The following AAK1 variants were observed in gnomAD, a reference collection of about 807,000 sequenced individuals.
AAK1 encodes the protein AP2 associated kinase 1, also known as AP2-associated protein kinase 1.
A neutral mutation model predicts 116.0 loss-of-function variants in AAK1; 37 were observed. The observed-to-expected ratio is 0.32, with a 90% confidence interval of 0.25 to 0.42. The LOEUF (loss-of-function observed/expected upper bound fraction) is 0.42, where lower values mean the gene tolerates loss of function less well. AAK1 is among the 10% of genes least tolerant of loss of function. The pLI is 1.00. For missense variants in AAK1, 919 were observed against 1,170.6 expected (o/e 0.79, Z 3.14); for synonymous variants, 458 against 439.9 (o/e 1.04, Z -0.51).
chr2:69,496,324 G>A (rs1335852631), intron 16 of AAK1, among the ~76,000 whole-genome samples: 3 of 147,450 alleles, frequency 2.0e-5, no homozygotes, highest in African/African-American at 7.8e-5. Context: ...CCAGGCTGGA[G>A]TGCAATGGCA....
chr2:69,488,508 T>G (rs1236052494), intron 17 of AAK1, among the ~76,000 whole-genome samples: 2 of 152,160 alleles, frequency 1.3e-5, no homozygotes, highest in Non-Finnish European at 2.9e-5. Context: ...GTAAACAGAT[T>G]AAGAACTACT....
At chr2:69,610,639 T>C (rs1674035731) in intron 2 of AAK1, among the ~76,000 whole-genome samples, 1 of 152,180 alleles carries the variant, frequency 6.6e-6, no homozygotes, top group African/African-American at 2.4e-5. Flanking sequence ...CAGAAAATAT[T>C]AAAAATTCCT....
rs546498511 is a variant in AAK1, at chr2:69,572,230, T to G, written c.164-15252A>C. ...AGACTCAGAATTACTGATTTTTTCT[T>G]GGTCTTGGGCTGCAGGGTGGCTGAG... On this transcript the variant is annotated intron_variant, in intron 2 of 21. Transcript: ENST00000409085. Among the ~76,000 whole-genome samples, 13 of 152,368 alleles carry G rather than the reference T, an allele frequency of 8.5e-5. No homozygotes were observed. In the East Asian group the frequency reaches 2.5e-3, roughly 29 times the overall value.
intron 2 of AAK1, among the ~76,000 whole-genome samples, chr2:69,613,603 A>C (rs58829888): frequency 0.046 from 6,970 of 152,284 alleles, 406 homozygotes; most frequent in East Asian, 0.16. Flanking sequence ...CCAGTGATTT[A>C]ATCAATCATA....
intron 8 of AAK1, among the ~76,000 whole-genome samples, chr2:69,528,309 A>C (rs1284713389): frequency 6.6e-6 from 1 of 152,202 alleles, no homozygotes; most frequent in African/African-American, 2.4e-5. Flanking sequence ...GCAAGCCGCT[A>C]GAGTTTCCTA....
At chr2:69,605,728 G>A (rs1244884912) in intron 2 of AAK1, among the ~76,000 whole-genome samples, 2 of 150,532 alleles carry the variant, frequency 1.3e-5, no homozygotes, top group Non-Finnish European at 3.0e-5. Context: ...CACAACCACA[G>A]TCAGGATACA....
chr2:69,629,336 T>C (rs1247912868), intron 2 of AAK1, among the ~76,000 whole-genome samples: 3 of 152,362 alleles, frequency 2.0e-5, no homozygotes, highest in Middle Eastern at 3.4e-3. Context: ...TCTGAGTTTT[T>C]GACACATGAG....
intron 2 of AAK1, among the ~76,000 whole-genome samples, chr2:69,618,572 A>G (rs888567574): frequency 6.6e-6 from 1 of 151,982 alleles, no homozygotes; most frequent in Non-Finnish European, 1.5e-5. Context: ...CCTCATGTAA[A>G]AATTCCTGCT....
Position 69,474,518 on chromosome 2 carries a change from TA to T in AAK1, c.*1350del. The T allele has an allele frequency of 1.0e-6, 1 of 984,856 alleles. No homozygotes were observed. The highest frequency in any genetic ancestry group is 1.1e-4 in the East Asian group (1 of 8,816). 61.0% of individuals were successfully genotyped at this position (984,856 alleles called of 1,614,324 possible). ...TTTATGAACAATATCCTAAAGTTAA[TA>T]AAGAACTATGCTTTATTATTTTTTT... On this transcript the variant is annotated 3_prime_UTR_variant, in exon 22 of 22. Transcript: ENST00000409085.
At chr2:69,479,446 T>C (rs1674999579) in intron 19 of AAK1, among the ~76,000 whole-genome samples, 1 of 152,178 alleles carries the variant, frequency 6.6e-6, no homozygotes, top group South Asian at 2.1e-4. Flanking sequence ...GGTCTGTGAT[T>C]TGGATGCTGA....
intron 12 of AAK1, chr2:69,516,991 T>C (rs1258306427): frequency 6.6e-6 from 1 of 152,184 alleles, no homozygotes; most frequent in African/African-American, 2.4e-5. Context: ...AGTGGGATCC[T>C]GCTTGTGAAT....
intron 11 of AAK1, among the ~76,000 whole-genome samples, chr2:69,520,571 C>T (rs558082121): frequency 2.0e-5 from 3 of 152,086 alleles, no homozygotes; most frequent in Non-Finnish European, 2.9e-5. Context: ...ATCATGTTGG[C>T]CAGGCTGGTC....
chr2:69,533,127 C>A (rs1484638305), intron 5 of AAK1, among the ~76,000 whole-genome samples: 1 of 152,066 alleles, frequency 6.6e-6, no homozygotes, highest in Non-Finnish European at 1.5e-5. Context: ...TTCAGCCTTC[C>A]AAAGACTGAT....
chr2:69,490,961 G>A (rs1052107858), intron 17 of AAK1, among the ~76,000 whole-genome samples: 1 of 146,822 alleles, frequency 6.8e-6, no homozygotes, highest in Non-Finnish European at 1.5e-5. Flanking sequence ...TAAGAGACAG[G>A]GTCTCACTCT....
rs182845934 is a variant in AAK1 at position 69,643,049 on chromosome 2, T to C, written c.-9A>G. On this transcript the variant is annotated 5_prime_UTR_variant, in exon 2 of 22. Transcript: ENST00000409085. ...TCGAAAAACTTCTTCATCTTGCGAA[T>C]AGGGAGCAGCAAAGCAAAATACCGA... is the stretch of plus-strand genomic sequence containing the variant. 3.9e-4 allele frequency: 625 copies of C among 1,587,482 alleles called. 3 individuals are homozygous for C. The African/African-American group carries it at 7.2e-3, about 18-fold the overall frequency.
chr2:69,479,209 T>C, intron 19 of AAK1, 148 bp from the exon 20 acceptor site: 1 of 604,690 alleles, frequency 1.7e-6, no homozygotes, highest in Non-Finnish European at 2.9e-6. Context: ...CCAAAAGAAA[T>C]GTGTGGAGCC....
rs1444584650 is a variant in AAK1 at position 69,472,866 on chromosome 2, G to C, written c.*3003C>G. On this transcript the variant is annotated 3_prime_UTR_variant, in exon 22 of 22. Transcript: ENST00000409085. Reference sequence around the variant, plus strand: ...ATGTGTTTCTGTAATACTTAAAAAGGAAAATCTCTAAGATTATGATTTAGG... The same window carrying C: ...ATGTGTTTCTGTAATACTTAAAAAGCAAAATCTCTAAGATTATGATTTAGG... The C allele has an allele frequency of 1.0e-6, 1 of 985,612 alleles. No homozygotes were observed. Among genetic ancestry groups the C allele is most frequent in the Non-Finnish European group, 1.2e-6 (1 of 829,846 alleles). The allele number at this position is 985,612 out of a possible 1,614,324, so 61.1% of individuals were successfully genotyped here.
In AAK1 at chr2:69,465,581, C is replaced by T; in HGVS notation, c.*10288G>A. 7.7e-7 allele frequency: 1 copy of T among 1,290,990 alleles called. No homozygotes were observed. The highest frequency in any genetic ancestry group is 1.5e-5 in the African/African-American group (1 of 65,982). 80.0% of individuals were successfully genotyped at this position (1,290,990 alleles called of 1,614,324 possible). ...AAACAATTTTGTAGGCAGCAATGGG[C>T]TGGGCTTCTGGACTTGGCTCGTCTT... On this transcript the variant is annotated 3_prime_UTR_variant, in exon 22 of 22. Transcript: ENST00000409085.
chr2:69,570,941 C>T (rs1215128812), intron 2 of AAK1, among the ~76,000 whole-genome samples: 1 of 146,612 alleles, frequency 6.8e-6, no homozygotes, highest in Non-Finnish European at 1.5e-5. Context: ...CTGGTAAACT[C>T]ACAGCTCTAA....
Sources: allele counts gnomAD v4.1 joint callset (sites outside exome capture counted in the v4.1 genomes callset), GRCh38; gene constraint gnomAD v4.1.1; transcripts MANE v1.5; gene names NCBI Gene and HGNC (gene_info 2026-07-23, HGNC 2026-07-21).